The following NUBPL variants were observed in gnomAD, a reference collection of about 807,000 sequenced individuals.
The protein encoded by NUBPL is iron-sulfur cluster transfer protein NUBPL.
Under a neutral mutation model 45.7 loss-of-function variants are expected in NUBPL, and 31 were observed. That is an observed-to-expected ratio of 0.68 (90% CI 0.51 to 0.92). NUBPL has a LOEUF of 0.92. NUBPL is among the 40% of genes least tolerant of loss of function. NUBPL has a pLI of 0.00. For synonymous variants in NUBPL, 144 were observed against 140.9 expected (o/e 1.02, Z -0.15); for missense variants, 401 against 398.7 (o/e 1.01, Z -0.05).
intron 6 of NUBPL, among the ~76,000 whole-genome samples, chr14:31,749,288 GT>G (rs1353758963): frequency 6.6e-6 from 1 of 152,028 alleles, no homozygotes; most frequent in Middle Eastern, 3.2e-3. Flanking sequence ...CTGTGTATCT[GT>G]TCTACCTGAA....
intron 4 of NUBPL, among the ~76,000 whole-genome samples, chr14:31,618,639 C>T (rs1397778667): frequency 6.6e-6 from 1 of 152,050 alleles, no homozygotes; most frequent in African/African-American, 2.4e-5. Flanking sequence ...GGTTGCAGAA[C>T]CTGTTTGTTA....
intron 6 of NUBPL, among the ~76,000 whole-genome samples, chr14:31,707,082 C>T (rs919287085): frequency 5.9e-5 from 9 of 152,068 alleles, no homozygotes; most frequent in Non-Finnish European, 1.0e-4. Flanking sequence ...TTTCCTTAAT[C>T]GCCTGGGAGG....
rs189819626 is a variant in NUBPL, at chr14:31,717,055, G to C, written c.513+43481G>C. Among the ~76,000 whole-genome samples, 169 of 152,166 alleles carry C rather than the reference G, an allele frequency of 1.1e-3. No homozygotes were observed. The Middle Eastern group carries it at 0.014, about 12-fold the overall frequency. On this transcript the variant is annotated intron_variant, in intron 6 of 10. Coordinates refer to ENST00000281081, the MANE Select transcript of NUBPL (RefSeq NM_025152.3). Reference sequence around the variant, plus strand: ...CTTACTAAAATTCAGATCTCATCAAGTTACTTTCCTGATTTATACCCTTTT... The same window carrying C: ...CTTACTAAAATTCAGATCTCATCAACTTACTTTCCTGATTTATACCCTTTT...
rs541019641 is a variant in NUBPL at position 31,858,993 on chromosome 14, G to A, written c.898-125G>A. On this transcript the variant is annotated intron_variant, in intron 10 of 10. Coordinates refer to ENST00000281081, the MANE Select transcript of NUBPL (RefSeq NM_025152.3). ...TATACAGCACTATCTTCTCAATACT[G>A]AATTTCCTCATCTCACTCAGCCTTT... 815 of 768,998 alleles carry A rather than the reference G, an allele frequency of 1.1e-3. 4 individuals carry two copies. Among genetic ancestry groups the A allele is most frequent in the Middle Eastern group, 1.8e-3 (6 of 3,272 alleles). 47.6% of individuals were successfully genotyped at this position (768,998 alleles called of 1,614,324 possible).
intron 6 of NUBPL, among the ~76,000 whole-genome samples, chr14:31,729,323 A>G (rs1481410204): frequency 7.7e-6 from 1 of 129,596 alleles, no homozygotes; most frequent in Non-Finnish European, 1.6e-5. Context: ...TGTATATCTT[A>G]CCCCAGACAC....
At chr14:31,633,265 T>C (rs994695074) in intron 4 of NUBPL, among the ~76,000 whole-genome samples, 8 of 152,198 alleles carry the variant, frequency 5.3e-5, no homozygotes, top group Non-Finnish European at 1.2e-4. Context: ...GCAGCCGAGG[T>C]GGGTTGCATG....
chr14:31,670,947 C>T (rs1043030084), intron 4 of NUBPL, among the ~76,000 whole-genome samples: 2 of 152,076 alleles, frequency 1.3e-5, no homozygotes, highest in Non-Finnish European at 2.9e-5. Context: ...ATTACCTTGG[C>T]TGTTTGGGCT....
intron 7 of NUBPL, among the ~76,000 whole-genome samples, chr14:31,826,335 G>T (rs1286770216): frequency 1.3e-5 from 2 of 152,044 alleles, no homozygotes; most frequent in African/African-American, 4.8e-5. Flanking sequence ...TAGCCAGGCT[G>T]GTCTTGAACT....
intron 8 of NUBPL, among the ~76,000 whole-genome samples, chr14:31,836,619 G>A (rs934325438): frequency 2.0e-5 from 3 of 152,022 alleles, no homozygotes; most frequent in Admixed American, 2.0e-4. Context: ...TGCATTAGTT[G>A]CCCCCATTCA....
At chr14:31,645,227 G>A (rs1036659097) in intron 4 of NUBPL, among the ~76,000 whole-genome samples, 7 of 152,028 alleles carry the variant, frequency 4.6e-5, no homozygotes, top group South Asian at 2.1e-4. Flanking sequence ...CACCACACCC[G>A]GCTAATTTTT....
chr14:31,696,496 A>G (rs2037217799), intron 6 of NUBPL, among the ~76,000 whole-genome samples: 1 of 152,004 alleles, frequency 6.6e-6, no homozygotes. Flanking sequence ...ACTTTTCAAT[A>G]TGGTATTAAC....
chr14:31,837,555 A>T (rs8005663), intron 8 of NUBPL, among the ~76,000 whole-genome samples: 64,206 of 151,970 alleles, frequency 0.42, 13,911 homozygotes, highest in South Asian at 0.54. Context: ...AAAGAAAAGA[A>T]GAAGTTAATT....
intron 6 of NUBPL, among the ~76,000 whole-genome samples, chr14:31,676,026 CT>C (rs1322414280): frequency 2.5e-3 from 365 of 143,352 alleles, no homozygotes; most frequent in Middle Eastern, 7.1e-3. Context: ...CAGGATGTAG[CT>C]TTTTTTTTTT....
chr14:31,755,160 C>G (rs1005216579), intron 6 of NUBPL, among the ~76,000 whole-genome samples: 1 of 151,990 alleles, frequency 6.6e-6, no homozygotes, highest in Non-Finnish European at 1.5e-5. Context: ...AATAAACATA[C>G]GTGTGCATGT....
At chr14:31,564,460 T>G (rs1595282509) in intron 2 of NUBPL, among the ~76,000 whole-genome samples, 1 of 129,794 alleles carries the variant, frequency 7.7e-6, no homozygotes, top group Non-Finnish European at 1.6e-5. Flanking sequence ...GAGGCTGAGG[T>G]GGGAGGATTG....
intron 4 of NUBPL, among the ~76,000 whole-genome samples, chr14:31,603,721 C>A (rs148361532): frequency 6.6e-6 from 1 of 152,134 alleles, no homozygotes; most frequent in Admixed American, 6.5e-5. Flanking sequence ...AACATTGACC[C>A]TAGCAGTAGT....
At chr14:31,646,680 C>T (rs1188556953) in intron 4 of NUBPL, among the ~76,000 whole-genome samples, 1 of 151,826 alleles carries the variant, frequency 6.6e-6, no homozygotes, top group Admixed American at 6.6e-5. Context: ...TATTATATGC[C>T]TTAGGGTAGT....
At chr14:31,622,812 TG>T (rs1009575717) in intron 4 of NUBPL, among the ~76,000 whole-genome samples, 1 of 152,236 alleles carries the variant, frequency 6.6e-6, no homozygotes, top group Non-Finnish European at 1.5e-5. Context: ...AGAGCCCCCA[TG>T]GAGAACTTCT....
At chr14:31,746,367 G>T (rs1186880912) in intron 6 of NUBPL, among the ~76,000 whole-genome samples, 1 of 151,876 alleles carries the variant, frequency 6.6e-6, no homozygotes, top group African/African-American at 2.4e-5. Flanking sequence ...CATACTTTCT[G>T]TACCTAATTT....
Sources: gnomAD v4.1 joint callset for allele counts (sites outside exome capture counted in the v4.1 genomes callset) on GRCh38, gnomAD v4.1.1 for gene constraint, MANE v1.5 for transcripts, NCBI Gene and HGNC (gene_info 2026-07-23, HGNC 2026-07-21) for gene names.